The following ATXN1 variants were observed in gnomAD, a reference collection of about 807,000 sequenced individuals.
ATXN1 encodes ataxin-1.
A neutral mutation model predicts 56.4 loss-of-function variants in ATXN1; 8 were observed. The ratio of observed to expected loss-of-function variants is 0.14; its 90% CI spans 0.08 to 0.26. ATXN1 has a LOEUF of 0.26. ATXN1 is among the 10% of genes least tolerant of loss of function. ATXN1 has a pLI of 1.00. For synonymous variants in ATXN1, 514 were observed against 494.6 expected (o/e 1.04, Z -0.52); for missense variants, 987 against 1,106.5 (o/e 0.89, Z 1.53).
intron 4 of ATXN1, among the ~76,000 whole-genome samples, chr6:16,584,223 CATAT>C (rs746676585): frequency 2.2e-4 from 18 of 80,696 alleles, no homozygotes; most frequent in African/African-American, 5.0e-4. Context: ...CGATATTGGA[CATAT>C]ATATATATAT....
intron 5 of ATXN1, among the ~76,000 whole-genome samples, chr6:16,514,139 A>G (rs892147797): frequency 6.6e-6 from 1 of 152,080 alleles, no homozygotes; most frequent in Admixed American, 6.6e-5. Context: ...CAGCCCCAGA[A>G]AGCAAAACGG....
chr6:16,562,087 C>G (rs972453350), intron 4 of ATXN1, among the ~76,000 whole-genome samples: 4 of 151,960 alleles, frequency 2.6e-5, no homozygotes, highest in African/African-American at 9.7e-5. Context: ...TTTTCAGAAA[C>G]AAATAGGCTG....
chr6:16,615,238 C>T (rs1370885034), intron 3 of ATXN1: 3 of 148,244 alleles, frequency 2.0e-5, no homozygotes, highest in Admixed American at 6.8e-5. Flanking sequence ...TGGAAATTTC[C>T]GAAGCTGCTA....
chr6:16,442,795 T>C (rs1416734006), intron 6 of ATXN1, among the ~76,000 whole-genome samples: 1 of 152,118 alleles, frequency 6.6e-6, no homozygotes, highest in Non-Finnish European at 1.5e-5. Context: ...GTGGATCACT[T>C]GAGGCCAGGA....
chr6:16,719,886 G>A (rs151278109), intron 2 of ATXN1, among the ~76,000 whole-genome samples: 40 of 152,274 alleles, frequency 2.6e-4, no homozygotes, highest in African/African-American at 7.7e-4. Flanking sequence ...ACAGAGCTTC[G>A]GGAGGGAGTG....
intron 6 of ATXN1, among the ~76,000 whole-genome samples, chr6:16,415,515 C>T (rs984745599): frequency 7.2e-5 from 11 of 152,242 alleles, no homozygotes; most frequent in Admixed American, 1.3e-4. Context: ...CAGGCGTGAG[C>T]CACCGCGCCC....
At chr6:16,582,113 T>A (rs561003121) in intron 4 of ATXN1, among the ~76,000 whole-genome samples, 6 of 152,330 alleles carry the variant, frequency 3.9e-5, no homozygotes, top group South Asian at 4.1e-4. Flanking sequence ...CACAACCTCA[T>A]TGTCAGTCCC....
At chr6:16,618,030 A>C (rs1341181759) in intron 3 of ATXN1, among the ~76,000 whole-genome samples, 1 of 152,008 alleles carries the variant, frequency 6.6e-6, no homozygotes. Context: ...TAGTGAATGG[A>C]AGGCTTTTCT....
At chr6:16,320,897 TA>T (rs1354842909) in intron 7 of ATXN1, among the ~76,000 whole-genome samples, 1 of 152,058 alleles carries the variant, frequency 6.6e-6, no homozygotes, top group Non-Finnish European at 1.5e-5. Flanking sequence ...ACAGGCAGGG[TA>T]AAAATGGCTT....
At chr6:16,353,290 G>T (rs1761609817) in intron 6 of ATXN1, among the ~76,000 whole-genome samples, 1 of 152,172 alleles carries the variant, frequency 6.6e-6, no homozygotes, top group Non-Finnish European at 1.5e-5. Flanking sequence ...ACAGAAATGT[G>T]CCAAGAAAGC....
intron 2 of ATXN1, among the ~76,000 whole-genome samples, chr6:16,709,211 A>G (rs1759473369): frequency 6.6e-6 from 1 of 152,146 alleles, no homozygotes; most frequent in African/African-American, 2.4e-5. Flanking sequence ...AAATGAAAAC[A>G]TCATTAAAAA....
intron 2 of ATXN1, among the ~76,000 whole-genome samples, chr6:16,687,497 C>T (rs1200345008): frequency 1.3e-5 from 2 of 151,028 alleles, no homozygotes; most frequent in East Asian, 1.9e-4. Context: ...AAGCAAAGTG[C>T]CTTGTGTCCG....
chr6:16,679,425 A>G (rs562066279), intron 2 of ATXN1, among the ~76,000 whole-genome samples: 1 of 152,182 alleles, frequency 6.6e-6, no homozygotes, highest in African/African-American at 2.4e-5. Context: ...AATACAAGGG[A>G]GGAAGGAAAA....
At position 16,760,306 on chromosome 6, in the gene ATXN1, C is replaced by T. The variant is rs1761042402; in HGVS notation, c.-730+992G>A. On this transcript the variant is annotated intron_variant, in intron 1 of 7. Transcript: ENST00000436367. This position sits in a 1 kb window ranked among gnomAD's most constrained non-coding sequence, Gnocchi z 5.3. ...TTCACCCTCCCAGCAGCCGCGCAGC[C>T]GTTCACTCCCGGCTCAGGGCAGCGC... Among the ~76,000 whole-genome samples, 1 of 151,966 alleles carries T rather than the reference C, an allele frequency of 6.6e-6. No homozygotes were observed.
chr6:16,396,779 C>T (rs901495758), intron 6 of ATXN1, among the ~76,000 whole-genome samples: 1 of 152,156 alleles, frequency 6.6e-6, no homozygotes, highest in African/African-American at 2.4e-5. Context: ...TAGGTGTGCC[C>T]TTTTAAAATC....
intron 4 of ATXN1, among the ~76,000 whole-genome samples, chr6:16,584,558 G>A (rs1246195793): frequency 6.6e-6 from 1 of 151,550 alleles, no homozygotes; most frequent in Non-Finnish European, 1.5e-5. Context: ...GTCGAAATCT[G>A]GTAAGTTTCA....
At position 16,571,184 on chromosome 6, in the gene ATXN1, T is replaced by C. The variant is rs111335034; in HGVS notation, c.-361+14596A>G. On this transcript the variant is annotated intron_variant, in intron 4 of 7. Coordinates refer to ENST00000436367, the MANE Select transcript of ATXN1 (RefSeq NM_001128164.2). Reference sequence around the variant, plus strand: ...AAGACAGCTATTGTATTGAATGCACTCTACTCATCAGGCACTCTGAGAATG... The same window carrying C: ...AAGACAGCTATTGTATTGAATGCACCCTACTCATCAGGCACTCTGAGAATG... Among the ~76,000 whole-genome samples, 61 of 152,308 alleles carry C rather than the reference T, an allele frequency of 4.0e-4. 1 individual carries two copies. The highest frequency in any genetic ancestry group is 7.8e-4 in the Non-Finnish European group (53 of 68,022).
rs1760074201 is a variant in ATXN1 at position 16,300,986 on chromosome 6, A to G, written c.*5343T>C. ...CATAGGTATAGTTTAAGAGCCTTTT[A>G]CGTAGTAATTCTTCCAGGCCATAAC... On this transcript the variant is annotated 3_prime_UTR_variant, in exon 8 of 8. Transcript: ENST00000436367. 6.6e-6 allele frequency: 1 copy of G among 152,616 alleles called. No homozygotes were observed. The highest frequency in any genetic ancestry group is 2.4e-5 in the African/African-American group (1 of 41,450). 9.5% of individuals were successfully genotyped at this position (152,616 alleles called of 1,614,324 possible).
rs559574430 is a variant in ATXN1 at position 16,669,245 on chromosome 6, A to G, written c.-614-11344T>C. Among the ~76,000 whole-genome samples the G allele has an allele frequency of 8.5e-5, 13 of 152,280 alleles. 1 individual carries two copies. The highest frequency in any genetic ancestry group is 6.5e-4 in the Admixed American group (10 of 15,294). ...GAGAATCACTCTAATGCTTATTCCT[A>G]ATGACTGTGATAGACTTTCTGCCTT... On this transcript the variant is annotated intron_variant, in intron 2 of 7. Transcript: ENST00000436367.
Sources: gnomAD v4.1 joint callset for allele counts (sites outside exome capture counted in the v4.1 genomes callset) on GRCh38, gnomAD v4.1.1 for gene constraint, Gnocchi (gnomAD v3.1) non-coding constraint, MANE v1.5 for transcripts, NCBI Gene and HGNC (gene_info 2026-07-23, HGNC 2026-07-21) for gene names.